The following MMAA variants were observed in gnomAD, a reference collection of about 807,000 sequenced individuals.
The protein encoded by MMAA is methylmalonic aciduria type A protein, mitochondrial.
In MMAA, 41 loss-of-function variants were observed where a neutral mutation model predicts 45.0. The ratio of observed to expected loss-of-function variants is 0.91; its 90% CI spans 0.71 to 1.18. MMAA has a LOEUF of 1.18. MMAA is among the 50% of genes most tolerant of loss of function. The pLI is 0.00. For synonymous variants in MMAA, 154 were observed against 178.2 expected (o/e 0.86, Z 1.08); for missense variants, 460 against 495.7 (o/e 0.93, Z 0.68).
chr4:145,648,458 G>A (rs1728001380), intron 4 of MMAA, among the ~76,000 whole-genome samples: 1 of 152,098 alleles, frequency 6.6e-6, no homozygotes, highest in Non-Finnish European at 1.5e-5. Flanking sequence ...ACTTAGGAAT[G>A]TTTCTAGATG....
intron 4 of MMAA, among the ~76,000 whole-genome samples, chr4:145,648,036 T>G (rs1261893306): frequency 6.6e-6 from 1 of 151,184 alleles, no homozygotes; most frequent in African/African-American, 2.4e-5. Flanking sequence ...TTTTTTTTTT[T>G]TTTTAGTAGA....
rs1036936770 is a variant in MMAA, at chr4:145,658,207, C to T, written c.*2773C>T. 2.0e-5 allele frequency: 3 copies of T among 152,204 alleles called. No individual in the cohort carries two copies. The highest frequency in any genetic ancestry group is 7.2e-5 in the African/African-American group (3 of 41,450). The allele number at this position is 152,204 out of a possible 1,614,324, so 9.4% of individuals were successfully genotyped here. On this transcript the variant is annotated 3_prime_UTR_variant, in exon 7 of 7. Transcript: ENST00000649156. ...TCTGTAGAACCATAAGCCAAATAAA[C>T]ATCTTTTCTTTATAAATTTATAAAT...
In MMAA at chr4:145,655,319, C is replaced by T. The variant is rs1057520160; in HGVS notation, c.1142C>T (p.Thr381Ile). The change falls in exon 7 of 7, where the codon ACC becomes ATC. Residue 381 changes from threonine to isoleucine, a missense_variant. Transcript: ENST00000649156. ...GAAAGTGTGTTAGAGCATTTCAGGA[C>T]CCACCCCACAGTCCGGGAACAGATT... ...IQESVLEHFR[T>I]HPTVREQIPL... 2.5e-6 allele frequency: 4 copies of T among 1,614,110 alleles called. No homozygotes were observed. Among genetic ancestry groups the T allele is most frequent in the Admixed American group, 1.7e-5 (1 of 60,018 alleles).
At chr4:145,642,797 C>T (rs1029779198) in intron 3 of MMAA, 4 of 360,456 alleles carry the variant, frequency 1.1e-5, no homozygotes, top group African/African-American at 8.4e-5. Flanking sequence ...CCCCTCTTTG[C>T]TCCTGTTGTG....
Position 145,659,181 on chromosome 4 carries a change from A to G in MMAA, c.*3747A>G, listed in dbSNP as rs773326191. ...TTTTAATTAAAATTTTTAAAATTTT[A>G]AAATTTACTAAATTTATGAACGTTT... On this transcript the variant is annotated 3_prime_UTR_variant, in exon 7 of 7. Coordinates refer to ENST00000649156, the MANE Select transcript of MMAA (RefSeq NM_172250.3). The G allele has an allele frequency of 6.6e-6, 1 of 152,238 alleles. No homozygotes were observed. The highest frequency in any genetic ancestry group is 2.4e-5 in the African/African-American group (1 of 41,474). The allele number at this position is 152,238 out of a possible 1,614,324, so 9.4% of individuals were successfully genotyped here.
At chr4:145,647,068 G>A (rs756550153) in intron 4 of MMAA, among the ~76,000 whole-genome samples, 5 of 152,084 alleles carry the variant, frequency 3.3e-5, no homozygotes, top group Non-Finnish European at 7.4e-5. Context: ...TAGAAGGAGG[G>A]CTAGAATAGA....
intron 3 of MMAA, 145 bp downstream of exon 3, chr4:145,642,630 A>C: frequency 8.8e-7 from 1 of 1,130,320 alleles, no homozygotes; most frequent in Non-Finnish European, 1.3e-6. Context: ...AGTTAGGTGG[A>C]AGCTGAGAGA....
chr4:145,651,173 A>G, intron 5 of MMAA, 26 bp downstream of exon 5: 1 of 1,574,452 alleles, frequency 6.4e-7, no homozygotes, highest in Non-Finnish European at 8.7e-7. Flanking sequence ...TTTTCCCCCA[A>G]AAATATAAAA....
At chr4:145,632,943 G>T (rs1727498300) in intron 1 of MMAA, among the ~76,000 whole-genome samples, 1 of 151,530 alleles carries the variant, frequency 6.6e-6, no homozygotes, top group South Asian at 2.1e-4. Flanking sequence ...TAGAAATGGG[G>T]TTTTGCCATG....
At chr4:145,633,379 G>A (rs1727518343) in intron 1 of MMAA, among the ~76,000 whole-genome samples, 2 of 151,218 alleles carry the variant, frequency 1.3e-5, no homozygotes, top group Admixed American at 6.6e-5. Flanking sequence ...TGTATTTTTA[G>A]TAGAGACGGG....
At chr4:145,622,178 C>A (rs924421291) in intron 1 of MMAA, among the ~76,000 whole-genome samples, 5 of 152,152 alleles carry the variant, frequency 3.3e-5, no homozygotes, top group Non-Finnish European at 7.3e-5. Context: ...ATTATGGGGA[C>A]AGGTCTTTCC....
At chr4:145,645,256 G>T (rs958123565) in intron 3 of MMAA, among the ~76,000 whole-genome samples, 2 of 152,320 alleles carry the variant, frequency 1.3e-5, no homozygotes, top group East Asian at 3.9e-4. Flanking sequence ...TGCCCTCCAG[G>T]ATGCTGGCAT....
At chr4:145,643,164 A>T (rs1727833334) in intron 3 of MMAA, among the ~76,000 whole-genome samples, 1 of 152,204 alleles carries the variant, frequency 6.6e-6, no homozygotes. Context: ...AACAGAAAGC[A>T]TACCATATAA....
At chr4:145,648,565 G>C (rs766852665) in intron 4 of MMAA, among the ~76,000 whole-genome samples, 1 of 152,200 alleles carries the variant, frequency 6.6e-6, no homozygotes, top group African/African-American at 2.4e-5. Flanking sequence ...TGCCTGAGTA[G>C]TAGTAGGAGA....
intron 1 of MMAA, among the ~76,000 whole-genome samples, chr4:145,637,830 A>G (rs1026729330): frequency 6.6e-6 from 1 of 152,204 alleles, no homozygotes; most frequent in African/African-American, 2.4e-5. Context: ...CACTGTTCTA[A>G]GCTTTTTACA....
At chr4:145,621,352 AC>A (rs1734084406) in intron 1 of MMAA, among the ~76,000 whole-genome samples, 1 of 152,240 alleles carries the variant, frequency 6.6e-6, no homozygotes, top group Non-Finnish European at 1.5e-5. Flanking sequence ...CTTCTCAAGC[AC>A]ATTTAAGCCT....
rs1728164807 is a variant in MMAA, at chr4:145,654,063, G to T, written c.889G>T (p.Val297Leu). ...AACTAAATCTGATGGAGACTTGATT[G>T]TGCCAGCTCGAAGGATACAAGCGGA... ...AVTKSDGDLI[V>L]PARRIQAEYV... Residue 297 changes from valine to leucine, a missense_variant, in exon 6 of 7, where the codon GTG (valine) becomes TTG (leucine). By Grantham distance (32) the Val-to-Leu change is conservative. Transcript: ENST00000649156. 2 of 1,614,032 alleles carry T rather than the reference G, an allele frequency of 1.2e-6. No homozygotes were observed. Among genetic ancestry groups the T allele is most frequent in the African/African-American group, 2.7e-5 (2 of 74,928 alleles).
chr4:145,639,694 TG>T, intron 2 of MMAA, 116 bp downstream of exon 2: 2 of 1,448,098 alleles, frequency 1.4e-6, no homozygotes, highest in East Asian at 5.0e-5. Context: ...TCACAATATT[TG>T]GATGAATTTT....
In MMAA at chr4:145,625,927, C is replaced by T. The variant is rs1219004401; in HGVS notation, c.-66+6520C>T. The T allele has an allele frequency of 3.8e-6, 6 of 1,591,310 alleles. No homozygotes were observed. The African/African-American group carries it at 8.1e-5, about 21-fold the overall frequency. On this transcript the variant is annotated intron_variant, in intron 1 of 6. Transcript: ENST00000649156. ...AAGTTATCTTTAATTTGCTGTTCAGCCTGGAGAACTCCACCAATAGCAAGC... is the reference window on the plus strand; with the variant it reads ...AAGTTATCTTTAATTTGCTGTTCAGTCTGGAGAACTCCACCAATAGCAAGC...
Sources: allele counts gnomAD v4.1 joint callset (sites outside exome capture counted in the v4.1 genomes callset), GRCh38; gene constraint gnomAD v4.1.1; transcripts MANE v1.5; gene names NCBI Gene and HGNC (gene_info 2026-07-23, HGNC 2026-07-21).